The following PDCD4 variants were observed in gnomAD, a reference collection of about 807,000 sequenced individuals.
PDCD4 encodes the protein programmed cell death 4.
Under a neutral mutation model 54.0 loss-of-function variants are expected in PDCD4, and 56 were observed. The ratio of observed to expected loss-of-function variants is 1.04; its 90% CI spans 0.84 to 1.30. The LOEUF is 1.30. PDCD4 is among the 50% of genes most tolerant of loss of function. The probability of loss-of-function intolerance (pLI) is 0.00; values close to 1 mark genes in which losing one functional copy is unlikely to be tolerated. For synonymous variants in PDCD4, 186 were observed against 194.8 expected, an observed-to-expected ratio of 0.95 and a Z score of 0.37; for missense variants, 584 against 559.8, an observed-to-expected ratio of 1.04 and a Z score of -0.44.
At chr10:110,885,550 G>C (rs1455383849) in intron 5 of PDCD4, among the ~76,000 whole-genome samples, 184 bp downstream of exon 5, 1 of 151,952 alleles carries the variant, frequency 6.6e-6, no homozygotes, top group Non-Finnish European at 1.5e-5. Flanking sequence ...TTTGGGATGT[G>C]ATGAGAGCTG....
Position 110,890,597 on chromosome 10 carries a change from A to C in PDCD4, c.917A>C (p.Lys306Thr). 6.2e-7 allele frequency: 1 copy of C among 1,613,602 alleles called. No individual in the cohort carries two copies. Among genetic ancestry groups the C allele is most frequent in the Non-Finnish European group, 8.5e-7 (1 of 1,179,682 alleles). ...DKATVLLSMS[K>T]GGKRKDSVWG... is the part of the protein sequence containing the mutation. ...GCTACCGTGCTTCTGAGTATGTCTA[A>C]AGGTGGAAAGCGTAAAGATAGTGTG... The change falls in exon 8 of 12, where the codon AAA (lysine) becomes ACA (threonine). Residue 306 changes from lysine (K) to threonine (T), a missense_variant. Transcript: ENST00000280154.
chr10:110,873,796 A>G (rs1845460398), intron 1 of PDCD4, among the ~76,000 whole-genome samples: 1 of 152,216 alleles, frequency 6.6e-6, no homozygotes, highest in Non-Finnish European at 1.5e-5. Flanking sequence ...TGAGTTCCTG[A>G]TCGGGTTATC....
chr10:110,889,050 T>C (rs1328278030), intron 6 of PDCD4, among the ~76,000 whole-genome samples: 1 of 151,690 alleles, frequency 6.6e-6, no homozygotes, highest in East Asian at 1.9e-4. Context: ...GCCAAGATGG[T>C]GACACCCCGT....
At chr10:110,896,872 G>C (rs1287117693) in intron 11 of PDCD4, among the ~76,000 whole-genome samples, 3 of 152,086 alleles carry the variant, frequency 2.0e-5, no homozygotes, top group African/African-American at 7.2e-5. Context: ...AGGGGCCTTT[G>C]CTTTAGAATT....
rs558527459 is a variant in PDCD4, at chr10:110,899,948, T to A, written c.*1860T>A. On this transcript the variant is annotated 3_prime_UTR_variant, in exon 12 of 12. Coordinates refer to ENST00000280154, the MANE Select transcript of PDCD4 (RefSeq NM_014456.5). ...ATGTAAAAGCCCAACAAACACTTTATGCAAGATTGGAATGTATCTTCAAAT... is the reference window on the plus strand; with the variant it reads ...ATGTAAAAGCCCAACAAACACTTTAAGCAAGATTGGAATGTATCTTCAAAT... 6.4e-6 allele frequency: 1 copy of A among 157,402 alleles called. No homozygotes were observed. Among genetic ancestry groups the A allele is most frequent in the East Asian group, 1.9e-4 (1 of 5,374 alleles). The allele number at this position is 157,402 out of a possible 1,614,324, so 9.8% of individuals were successfully genotyped here.
In PDCD4 at chr10:110,887,772, GCTT is replaced by G; in HGVS notation, c.667_669del (p.Leu223del). The G allele has an allele frequency of 6.2e-7, 1 of 1,613,192 alleles. No homozygotes were observed. Among genetic ancestry groups the G allele is most frequent in the South Asian group, 1.1e-5 (1 of 91,050 alleles). ...CTAGTCATAGAGAGATGACATCTAA[GCTT>G]CTTTCTGACCTTTGTGGGACAGTAA... On this transcript the variant is annotated inframe_deletion, in exon 6 of 12. Transcript: ENST00000280154.
At chr10:110,885,690 A>G (rs1845660711) in intron 5 of PDCD4, among the ~76,000 whole-genome samples, 1 of 151,928 alleles carries the variant, frequency 6.6e-6, no homozygotes, top group South Asian at 2.1e-4. Context: ...GTTTGAGGGC[A>G]CTTCTAGACG....
chr10:110,878,897 A>G (rs541957137), intron 2 of PDCD4, among the ~76,000 whole-genome samples: 5 of 152,288 alleles, frequency 3.3e-5, no homozygotes, highest in South Asian at 4.1e-4. Flanking sequence ...ATAGATGACA[A>G]TAGTAATGGT....
chr10:110,881,681 T>A, intron 3 of PDCD4, 146 bp downstream of exon 3: 1 of 618,022 alleles, frequency 1.6e-6, no homozygotes, highest in South Asian at 2.9e-5. Flanking sequence ...ATATTTTTAC[T>A]TAGTAATAAT....
chr10:110,899,454 A>G lies in PDCD4; in HGVS notation c.*1366A>G, dbSNP rs543427963. On this transcript the variant is annotated 3_prime_UTR_variant, in exon 12 of 12. Coordinates refer to ENST00000280154, the MANE Select transcript of PDCD4 (RefSeq NM_014456.5). ...TTTTATTCTCAAGTGCTTAAAATTA[A>G]TGTAATTAAAAGCTTAGCTGACTAC... is the stretch of plus-strand genomic sequence containing the variant. The G allele has an allele frequency of 6.6e-6, 1 of 152,314 alleles. No individual in the cohort carries two copies. Among genetic ancestry groups the G allele is most frequent in the African/African-American group, 2.4e-5 (1 of 41,566 alleles). 9.4% of individuals were successfully genotyped at this position (152,314 alleles called of 1,614,324 possible).
intron 10 of PDCD4, among the ~76,000 whole-genome samples, chr10:110,895,635 GTTCT>G (rs1232285767): frequency 3.3e-5 from 5 of 152,144 alleles, no homozygotes; most frequent in Non-Finnish European, 7.4e-5. Flanking sequence ...TCTATGTTGA[GTTCT>G]TTGAGAAATC....
intron 9 of PDCD4, 102 bp downstream of exon 9, chr10:110,894,300 A>G: frequency 3.4e-6 from 3 of 890,024 alleles, no homozygotes; most frequent in Non-Finnish European, 5.5e-6. Context: ...TTTAATATCA[A>G]AGGAGGAAGT....
Position 110,887,721 on chromosome 10 carries a change from A to C in PDCD4, c.612A>C (p.Ala204=). Residue 204 remains alanine, a synonymous_variant, in exon 6 of 12, where the codon GCA becomes GCC. Transcript: ENST00000280154. ...GEMKSGVPVL[A]VSLALEGKAS... ...TGAAAAGTGGAGTACCAGTGTTGGC[A>C]GTATCCTTAGCATTGGAGGGGAAGG... 6.2e-7 allele frequency: 1 copy of C among 1,613,610 alleles called. No homozygotes were observed. The highest frequency in any genetic ancestry group is 8.5e-7 in the Non-Finnish European group (1 of 1,179,542).
Position 110,889,555 on chromosome 10 carries a change from G to C in PDCD4, c.800G>C (p.Arg267Thr), listed in dbSNP as rs375591447. The C allele has an allele frequency of 6.2e-7, 1 of 1,603,460 alleles. No individual in the cohort carries two copies. Among genetic ancestry groups the C allele is most frequent in the Non-Finnish European group, 8.5e-7 (1 of 1,172,008 alleles). The part of the protein sequence containing the change: ...APQLVGQFIA[R>T]AVGDGILCNT... The stretch of plus-strand genomic sequence containing the variant: ...CAGTTGGTGGGCCAGTTTATTGCTA[G>C]AGCTGTTGGAGATGGAATTTTATGT... The change falls in exon 7 of 12, where the codon AGA becomes ACA. Residue 267 changes from arginine to threonine, a missense_variant. Arg to Thr is a moderately conservative substitution (Grantham distance 71). Transcript: ENST00000280154.
chr10:110,880,593 C>T (rs1845575562), intron 2 of PDCD4: 2 of 152,250 alleles, frequency 1.3e-5, no homozygotes, highest in South Asian at 2.1e-4. Flanking sequence ...CAGTTCAGCT[C>T]AACAATCATA....
chr10:110,881,535 G>C lies in PDCD4; in HGVS notation c.346G>C (p.Gly116Arg), dbSNP rs966049027. 2 of 1,607,884 alleles carry C rather than the reference G, an allele frequency of 1.2e-6. No homozygotes were observed. Among genetic ancestry groups the C allele is most frequent in the African/African-American group, 2.7e-5 (2 of 74,678 alleles). Residue 116 changes from glycine to arginine, a missense_variant and splice_region_variant, in exon 3 of 12, where the codon GGT (glycine) becomes CGT (arginine). Coordinates refer to ENST00000280154, the MANE Select transcript of PDCD4 (RefSeq NM_014456.5). ...SGKGRGLPKK[G>R]GAGGKGVWGT... ...GAAAGGAAGGGGACTACCAAAGAAA[G>C]GTTGGTATATATCATGTCCAACAAA...
Position 110,894,111 on chromosome 10 carries a change from A to G in PDCD4, c.1011A>G (p.Glu337=), listed in dbSNP as rs147334980. ...AATAGATTGATATGCTGCTGAAAGA[A>G]TATTTACTCTCTGGAGACATATCTG... is the stretch of plus-strand genomic sequence containing the variant. ...LVKEIDMLLK[E]YLLSGDISEA... Residue 337 remains glutamate, a synonymous_variant, in exon 9 of 12, where the codon GAA becomes GAG. Transcript: ENST00000280154. 8.1e-6 allele frequency: 13 copies of G among 1,602,160 alleles called. No homozygotes were observed. Among genetic ancestry groups the G allele is most frequent in the Non-Finnish European group, 1.1e-5 (13 of 1,169,906 alleles).
At chr10:110,895,799 T>A in intron 10 of PDCD4, 149 bp from the exon 11 acceptor site, 1 of 570,480 alleles carries the variant, frequency 1.8e-6, no homozygotes, top group South Asian at 2.4e-5. Context: ...AAATCTACTT[T>A]CTGTGCTTCT....
chr10:110,878,226 C>A (rs908818592), intron 2 of PDCD4, among the ~76,000 whole-genome samples: 3 of 152,104 alleles, frequency 2.0e-5, no homozygotes, highest in African/African-American at 7.2e-5. Flanking sequence ...GCAATTAATA[C>A]AAACATGGGT....
Sources: gnomAD v4.1 joint callset for allele counts (sites outside exome capture counted in the v4.1 genomes callset) on GRCh38, gnomAD v4.1.1 for gene constraint, MANE v1.5 for transcripts, NCBI Gene and HGNC (gene_info 2026-07-23, HGNC 2026-07-21) for gene names.